SLC35A5: variants seen among roughly 807,000 people sequenced by gnomAD.
SLC35A5 encodes the protein solute carrier family 35 member A5, also known as UDP-sugar transporter protein SLC35A5.
SLC35A5 carries 28 observed loss-of-function variants against 36.3 expected under a neutral mutation model. That is an observed-to-expected ratio of 0.77 (90% confidence interval 0.57 to 1.06). The LOEUF (loss-of-function observed/expected upper bound fraction) is 1.06, where lower values mean the gene tolerates loss of function less well. Ranked by LOEUF, SLC35A5 falls within the 50% of genes least tolerant of loss-of-function variation. SLC35A5 has a pLI of 0.00. For missense variants in SLC35A5, 521 were observed against 499.3 expected, an observed-to-expected ratio of 1.04 and a Z score of -0.41; for synonymous variants, 180 against 173.7, an observed-to-expected ratio of 1.04 and a Z score of -0.29.
At position 112,573,884 on chromosome 3, in the gene SLC35A5, T is replaced by A; in HGVS notation, c.361-5T>A. ...ATTGTAACTCTATCTTCTCTTTCTTTCTAGGCCATGGCTGTTATCTTCTCA... is the reference window on the plus strand; with the variant it reads ...ATTGTAACTCTATCTTCTCTTTCTTACTAGGCCATGGCTGTTATCTTCTCA... On this transcript the variant is annotated splice_region_variant and splice_polypyrimidine_tract_variant and intron_variant, in intron 4 of 6. Transcript: ENST00000492406. 6.2e-7 allele frequency: 1 copy of A among 1,610,554 alleles called. No individual in the cohort carries two copies. Among genetic ancestry groups the A allele is most frequent in the South Asian group, 1.1e-5 (1 of 90,910 alleles).
chr3:112,574,137 A>C (rs1251752942), intron 5 of SLC35A5, among the ~76,000 whole-genome samples, 181 bp downstream of exon 5: 3 of 152,200 alleles, frequency 2.0e-5, no homozygotes, highest in Non-Finnish European at 4.4e-5. Flanking sequence ...GTCCATCTAA[A>C]TCCTCTGTGA....
At chr3:112,569,567 A>C (rs1014802158) in intron 3 of SLC35A5, among the ~76,000 whole-genome samples, 2 of 152,188 alleles carry the variant, frequency 1.3e-5, no homozygotes, top group African/African-American at 4.8e-5. Flanking sequence ...GTTTTTATTC[A>C]AATTAAAGAT....
At chr3:112,572,218 AGGCGTGAGCCACCGTGCCC>A (rs1160963778) in intron 4 of SLC35A5, among the ~76,000 whole-genome samples, 1 of 151,724 alleles carries the variant, frequency 6.6e-6, no homozygotes, top group African/African-American at 2.4e-5. Flanking sequence ...CTGGGATTAC[AGGCGTGAGCCACCGTGCCC>A]GGCCGACTTT....
chr3:112,573,818 C>A, intron 4 of SLC35A5, 71 bp from the exon 5 acceptor site: 1 of 1,299,846 alleles, frequency 7.7e-7, no homozygotes, highest in Non-Finnish European at 1.1e-6. Context: ...GTCAGGTGAA[C>A]TGCCAAGCTA....
Position 112,573,869 on chromosome 3 carries a change from T to C in SLC35A5, c.361-20T>C, listed in dbSNP as rs932808242. On this transcript the variant is annotated intron_variant, in intron 4 of 6. Transcript: ENST00000492406. The stretch of plus-strand genomic sequence containing the variant: ...CAGTACTTCATTTGGATTGTAACTC[T>C]ATCTTCTCTTTCTTTCTAGGCCATG... 2 of 1,599,694 alleles carry C rather than the reference T, an allele frequency of 1.3e-6. No homozygotes were observed. Among genetic ancestry groups the C allele is most frequent in the African/African-American group, 1.3e-5 (1 of 74,542 alleles).
Position 112,581,026 on chromosome 3 carries a change from T to G in SLC35A5, c.909T>G (p.Ser303Arg), listed in dbSNP as rs1359534641. 3 of 1,614,114 alleles carry G rather than the reference T, an allele frequency of 1.9e-6. No homozygotes were observed. Among genetic ancestry groups the G allele is most frequent in the South Asian group, 2.2e-5 (2 of 91,076 alleles). The change falls in exon 6 of 7, where the codon AGT becomes AGG. Residue 303 changes from serine (S) to arginine (R), a missense_variant. By Grantham distance (110) the Ser-to-Arg change is moderately radical. Transcript: ENST00000492406. ...IKNCGFFYGH[S>R]AFSVALIFVT... ...ACTGTGGATTTTTTTATGGCCACAG[T>G]GCATTTTCAGTAGCCCTTATTTTTG...
upstream of SLC35A5, chr3:112,561,677 G>T: frequency 5.3e-6 from 4 of 761,496 alleles, no homozygotes. Context: ...GACGCGACGG[G>T]ACGGGCGGGA....
chr3:112,563,377 T>C lies in SLC35A5; in HGVS notation c.-19-8T>C. 1 of 1,454,440 alleles carries C rather than the reference T, an allele frequency of 6.9e-7. No homozygotes were observed. The highest frequency in any genetic ancestry group is 1.5e-5 in the South Asian group (1 of 66,812). The allele number at this position is 1,454,440 out of a possible 1,614,324, so 90.1% of individuals were successfully genotyped here. ...AAGGTCGTTCATGAAAGTGTTTTTC[T>C]CTTTAAGGTAATTAAAAAACAGTGG... On this transcript the variant is annotated splice_polypyrimidine_tract_variant and splice_region_variant and intron_variant, in intron 1 of 6. Transcript: ENST00000492406.
In SLC35A5 at chr3:112,569,250, A is replaced by G. The variant is rs536511827; in HGVS notation, c.210A>G (p.Ser70=). The change falls in exon 3 of 7, where the codon TCA becomes TCG. Residue 70 remains serine (S), a synonymous_variant. Transcript: ENST00000492406. ...LVKLVFCVLV[S]FCVIKKDHQS... ...AGCTAGTTTTCTGTGTGCTTGTGTCATTCTGTGTTATAAAGAAAGGTAAGT... is the reference window on the plus strand; with the variant it reads ...AGCTAGTTTTCTGTGTGCTTGTGTCGTTCTGTGTTATAAAGAAAGGTAAGT... The G allele has an allele frequency of 6.2e-7, 1 of 1,613,894 alleles. No homozygotes were observed. The highest frequency in any genetic ancestry group is 2.2e-5 in the East Asian group (1 of 44,836).
chr3:112,568,556 A>C (rs556453254), intron 2 of SLC35A5, among the ~76,000 whole-genome samples: 1 of 152,198 alleles, frequency 6.6e-6, no homozygotes, highest in Admixed American at 6.5e-5. Context: ...GATGTGTCCA[A>C]GTATTTCCTC....
At chr3:112,573,994 A>G (rs1934567543) in intron 5 of SLC35A5, 38 bp downstream of exon 5, 2 of 1,530,282 alleles carry the variant, frequency 1.3e-6, no homozygotes, top group Admixed American at 3.4e-5. Context: ...TCATACTTTA[A>G]AATAACATAG....
intron 5 of SLC35A5, among the ~76,000 whole-genome samples, chr3:112,579,579 C>G (rs1345049482): frequency 6.6e-6 from 1 of 151,986 alleles, no homozygotes; most frequent in Non-Finnish European, 1.5e-5. Context: ...GGATATATCA[C>G]CACCTCCTTT....
At chr3:112,567,716 C>T (rs547206242) in intron 2 of SLC35A5, among the ~76,000 whole-genome samples, 1 of 152,294 alleles carries the variant, frequency 6.6e-6, no homozygotes, top group East Asian at 1.9e-4. Flanking sequence ...TTAGTGTGGG[C>T]AGGAGATGTG....
Position 112,562,289 on chromosome 3 carries a change from G to C in SLC35A5, c.-20+16G>C, listed in dbSNP as rs1479347526. The C allele has an allele frequency of 6.6e-6, 1 of 152,542 alleles. No individual in the cohort carries two copies. Among genetic ancestry groups the C allele is most frequent in the Non-Finnish European group, 1.5e-5 (1 of 68,272 alleles). 9.4% of individuals were successfully genotyped at this position (152,542 alleles called of 1,614,324 possible). A position where few individuals can be genotyped will look rare whatever the true frequency, so the allele number is the denominator to read the frequency against. On this transcript the variant is annotated intron_variant, in intron 1 of 6. Coordinates refer to ENST00000492406, the MANE Select transcript of SLC35A5 (RefSeq NM_017945.5). ...TCTGAGGGAGGTAACCGCGCCCCGCGGGCAAGGAATTGCGCCTGCGTCTGA... is the reference window on the plus strand; with the variant it reads ...TCTGAGGGAGGTAACCGCGCCCCGCCGGCAAGGAATTGCGCCTGCGTCTGA...
chr3:112,572,753 T>G (rs1934502584), intron 4 of SLC35A5, among the ~76,000 whole-genome samples: 1 of 152,246 alleles, frequency 6.6e-6, no homozygotes, highest in Non-Finnish European at 1.5e-5. Context: ...AGAGCTCTGA[T>G]GTTTTTATTT....
Position 112,583,272 on chromosome 3 carries a change from T to A in SLC35A5, c.*536T>A. On this transcript the variant is annotated 3_prime_UTR_variant, in exon 7 of 7. Transcript: ENST00000492406. Reference sequence around the variant, plus strand: ...TAAATACCTGGCCATACCATAGATTTGGGATGATGTAGTCTGTGCTAAATA... The same window carrying A: ...TAAATACCTGGCCATACCATAGATTAGGGATGATGTAGTCTGTGCTAAATA... 2.5e-6 allele frequency: 1 copy of A among 396,006 alleles called. No individual in the cohort carries two copies. The highest frequency in any genetic ancestry group is 4.5e-6 in the Non-Finnish European group (1 of 224,698). 24.5% of individuals were successfully genotyped at this position (396,006 alleles called of 1,614,324 possible). A position where few individuals can be genotyped will look rare whatever the true frequency, so the allele number is the denominator to read the frequency against.
chr3:112,563,327 G>A lies in SLC35A5; in HGVS notation c.-19-58G>A, dbSNP rs557103668. 58 of 1,364,730 alleles carry A rather than the reference G, an allele frequency of 4.2e-5. No individual in the cohort carries two copies. In the Middle Eastern group the frequency reaches 5.8e-4, roughly 14 times the overall value. The allele number at this position is 1,364,730 out of a possible 1,614,324, so 84.5% of individuals were successfully genotyped here. On this transcript the variant is annotated intron_variant, in intron 1 of 6. Coordinates refer to ENST00000492406, the MANE Select transcript of SLC35A5 (RefSeq NM_017945.5). ...TCCTTTTTTGTCCTCACGATCAATG[G>A]TATTTGCGTTTAGGGTCTGCCAACA...
Position 112,580,887 on chromosome 3 carries a change from G to GCAGTAT in SLC35A5, c.770_771insCAGTAT (p.Gly257_Asn258insSerMet), listed in dbSNP as rs1934881080. On this transcript the variant is annotated inframe_insertion, in exon 6 of 7. Transcript: ENST00000492406. ...TATAATGAAAAGATACTGAAGGAAG[G>GCAGTAT]GAACCAGCTCACTGAAAGCATCTTC... is the stretch of plus-strand genomic sequence containing the variant. 1.9e-6 allele frequency: 3 copies of GCAGTAT among 1,614,000 alleles called. No individual in the cohort carries two copies. Among genetic ancestry groups the GCAGTAT allele is most frequent in the Non-Finnish European group, 2.5e-6 (3 of 1,179,990 alleles).
upstream of SLC35A5, chr3:112,561,450 G>A: frequency 6.2e-7 from 1 of 1,612,048 alleles, no homozygotes; most frequent in Non-Finnish European, 8.5e-7. Flanking sequence ...ACCCTGGCCT[G>A]GCTTACCTTG....
Sources: allele counts gnomAD v4.1 joint callset (sites outside exome capture counted in the v4.1 genomes callset), GRCh38; gene constraint gnomAD v4.1.1; transcripts MANE v1.5; gene names NCBI Gene and HGNC (gene_info 2026-07-23, HGNC 2026-07-21).